The following GARNL3 variants were observed in gnomAD, a reference collection of about 807,000 sequenced individuals.
GARNL3 encodes the protein GTPase activating Rap/RanGAP domain like 3, also known as GTPase-activating Rap/Ran-GAP domain-like protein 3.
A neutral mutation model predicts 125.0 loss-of-function variants in GARNL3; 63 were observed. The observed-to-expected ratio is 0.50, with a 90% CI of 0.41 to 0.62. GARNL3 has a LOEUF of 0.62. Ranked by LOEUF, GARNL3 falls within the 20% of genes least tolerant of loss-of-function variation. The pLI is 0.00. For synonymous variants in GARNL3, 439 were observed against 457.5 expected, an observed-to-expected ratio of 0.96 and a Z score of 0.52; for missense variants, 994 against 1,244.0, an observed-to-expected ratio of 0.80 and a Z score of 3.02.
At chr9:127,332,914 T>C in intron 8 of GARNL3, 109 bp from the exon 9 acceptor site, 1 of 777,058 alleles carries the variant, frequency 1.3e-6, no homozygotes, top group Non-Finnish European at 2.3e-6. Flanking sequence ...CTGTTTACCA[T>C]GCATGAATCG....
At chr9:127,366,292 G>A (rs1028580390) in intron 22 of GARNL3, among the ~76,000 whole-genome samples, 7 of 152,198 alleles carry the variant, frequency 4.6e-5, no homozygotes, top group African/African-American at 1.7e-4. Flanking sequence ...ATTAGGAGAA[G>A]GTGGTTAAAC....
intron 1 of GARNL3, among the ~76,000 whole-genome samples, chr9:127,227,407 C>T (rs886726287): frequency 2.0e-5 from 3 of 152,112 alleles, no homozygotes; most frequent in African/African-American, 4.8e-5. Flanking sequence ...TTGAGACCAG[C>T]TTGGCCAACA....
intron 17 of GARNL3, 89 bp downstream of exon 17, chr9:127,349,124 CCATAA>C: frequency 1.1e-6 from 1 of 870,572 alleles, no homozygotes; most frequent in South Asian, 1.4e-5. Flanking sequence ...TCCCTTTGGG[CCATAA>C]ATGTGTGATC....
chr9:127,375,081 A>G (rs1831825474), intron 22 of GARNL3, among the ~76,000 whole-genome samples: 1 of 152,222 alleles, frequency 6.6e-6, no homozygotes, highest in Admixed American at 6.5e-5. Flanking sequence ...AATTGGTATA[A>G]TCACTTTGGA....
chr9:127,298,235 A>G (rs540065582), intron 2 of GARNL3, among the ~76,000 whole-genome samples: 12 of 152,230 alleles, frequency 7.9e-5, no homozygotes, highest in East Asian at 1.9e-4. Flanking sequence ...CTGGAGTGCA[A>G]TGGCGTAATC....
At chr9:127,238,875 G>A (rs1049942491) in intron 1 of GARNL3, among the ~76,000 whole-genome samples, 6 of 152,094 alleles carry the variant, frequency 3.9e-5, no homozygotes, top group Non-Finnish European at 5.9e-5. Context: ...CTCCTGGGTC[G>A]TGTACCCACT....
At chr9:127,370,253 TC>T (rs1235957619) in intron 22 of GARNL3, among the ~76,000 whole-genome samples, 1 of 152,194 alleles carries the variant, frequency 6.6e-6, no homozygotes, top group Non-Finnish European at 1.5e-5. Context: ...CCTCCCCTGT[TC>T]CTGCCCCGCA....
intron 22 of GARNL3, among the ~76,000 whole-genome samples, chr9:127,381,627 C>T (rs556624033): frequency 4.6e-5 from 7 of 152,120 alleles, no homozygotes; most frequent in Admixed American, 3.9e-4. Flanking sequence ...GATGGAGTCT[C>T]GCTGTGTCAC....
intron 1 of GARNL3, among the ~76,000 whole-genome samples, chr9:127,226,695 A>G (rs1016451770): frequency 6.6e-6 from 1 of 152,128 alleles, no homozygotes; most frequent in Non-Finnish European, 1.5e-5. Context: ...TCTTTGCTGT[A>G]TTAATAATCT....
At chr9:127,382,835 C>A (rs752820350) in intron 22 of GARNL3, among the ~76,000 whole-genome samples, 38 of 152,084 alleles carry the variant, frequency 2.5e-4, no homozygotes, top group Non-Finnish European at 3.4e-4. Flanking sequence ...GGCTTCAAGT[C>A]CTCTTGAATA....
At chr9:127,297,194 A>ACT (rs2064626823) in intron 2 of GARNL3, among the ~76,000 whole-genome samples, 1 of 151,924 alleles carries the variant, frequency 6.6e-6, no homozygotes, top group African/African-American at 2.4e-5. Context: ...GCTGGAGTGC[A>ACT]GTGGTGCAGT....
intron 1 of GARNL3, among the ~76,000 whole-genome samples, chr9:127,285,669 A>G (rs2064231282): frequency 6.6e-6 from 1 of 152,152 alleles, no homozygotes; most frequent in Admixed American, 6.5e-5. Context: ...TTTTTGTTTT[A>G]TAGTGATATG....
chr9:127,257,949 T>TG (rs1332742618), intron 2 of GARNL3, among the ~76,000 whole-genome samples: 3 of 152,220 alleles, frequency 2.0e-5, no homozygotes, highest in Non-Finnish European at 1.5e-5. Context: ...GTGGCTACTG[T>TG]GTGCCATATG....
intron 25 of GARNL3, 182 bp from the exon 26 acceptor site, chr9:127,388,722 C>T (rs1490197208): frequency 1.8e-5 from 11 of 594,982 alleles, no homozygotes; most frequent in South Asian, 1.0e-4. Flanking sequence ...TCTTAGAAAA[C>T]GCAAAGCCAT....
At chr9:127,337,992 A>T in intron 11 of GARNL3, 124 bp from the exon 12 acceptor site, 1 of 756,072 alleles carries the variant, frequency 1.3e-6, no homozygotes, top group Non-Finnish European at 2.4e-6. Context: ...CCAACCTAAG[A>T]GTGATAGGTG....
rs1333421216 is a variant in GARNL3 at position 127,354,380 on chromosome 9, T to C, written c.1729T>C (p.Cys577Arg). The C allele has an allele frequency of 6.2e-7, 1 of 1,612,528 alleles. No individual in the cohort carries two copies. The highest frequency in any genetic ancestry group is 1.3e-5 in the African/African-American group (1 of 74,940). Residue 577 changes from cysteine to arginine, a missense_variant, in exon 19 of 28, where the codon TGC becomes CGC. Cys to Arg is a radical substitution (Grantham distance 180). Coordinates refer to ENST00000373387, the MANE Select transcript of GARNL3 (RefSeq NM_032293.5). ...GCAGGCTGGGAAGAGCAGGTCTGACTGCAGAGAAAACAAGTTGGAGAAAAC... is the reference window on the plus strand; with the variant it reads ...GCAGGCTGGGAAGAGCAGGTCTGACCGCAGAGAAAACAAGTTGGAGAAAAC... ...GKQAGKSRSDCRENKLEKTKG... is the reference protein window; with the variant it reads ...GKQAGKSRSDRRENKLEKTKG...
At chr9:127,268,340 G>A (rs1408132329) in intron 1 of GARNL3, among the ~76,000 whole-genome samples, 4 of 152,156 alleles carry the variant, frequency 2.6e-5, no homozygotes, top group Non-Finnish European at 4.4e-5. Context: ...TGAATCTCAC[G>A]GGAGGGAAGT....
chr9:127,338,197 T>C, intron 12 of GARNL3, 36 bp downstream of exon 12: 1 of 1,465,622 alleles, frequency 6.8e-7, no homozygotes, highest in Non-Finnish European at 9.6e-7. Flanking sequence ...CTTGTCCTAA[T>C]TCTCATGCTT....
At chr9:127,353,656 G>A (rs2131661859) in intron 17 of GARNL3, 190 bp from the exon 18 acceptor site, 1 of 601,830 alleles carries the variant, frequency 1.7e-6, no homozygotes, top group Admixed American at 3.1e-5. Context: ...GAAAGCATCA[G>A]TACTTCTTCC....
Sources: allele counts gnomAD v4.1 joint callset (sites outside exome capture counted in the v4.1 genomes callset), GRCh38; gene constraint gnomAD v4.1.1; transcripts MANE v1.5; gene names NCBI Gene and HGNC (gene_info 2026-07-23, HGNC 2026-07-21).